PIDD1: variants seen among roughly 807,000 people sequenced by gnomAD.
PIDD1 encodes p53-induced death domain protein 1.
In PIDD1, 72 loss-of-function variants were observed where a neutral mutation model predicts 80.0. That is an observed-to-expected ratio of 0.90 (90% CI 0.74 to 1.09). The LOEUF (loss-of-function observed/expected upper bound fraction) is 1.09. PIDD1 is among the 50% of genes least tolerant of loss of function. The probability of loss-of-function intolerance (pLI) is 0.00; values close to 1 mark genes in which losing one functional copy is unlikely to be tolerated. For synonymous variants in PIDD1, 655 were observed against 543.5 expected (o/e 1.21, Z -2.85); for missense variants, 1,329 against 1,228.3 (o/e 1.08, Z -1.23).
rs768788079 is a variant in PIDD1, at chr11:802,751, C to T, written c.850G>A (p.Asp284Asn). The change falls in exon 4 of 16, where the codon GAC becomes AAC. Residue 284 changes from aspartate to asparagine, a missense_variant. Transcript: ENST00000347755. ...QLRDLPPELL[D>N]APFVRLQGNP... is the part of the protein sequence containing the mutation. ...CCCTGCAGGCGCACAAAGGGGGCGT[C>T]TAGCAGCTCAGGGGGCAGGTCCCGG... is the stretch of plus-strand genomic sequence containing the variant. The T allele has an allele frequency of 1.9e-6, 3 of 1,611,162 alleles. No homozygotes were observed. Among genetic ancestry groups the T allele is most frequent in the Non-Finnish European group, 2.5e-6 (3 of 1,179,234 alleles).
In PIDD1 at chr11:802,296, G is replaced by T; in HGVS notation, c.1075C>A (p.Arg359=). The T allele has an allele frequency of 1.2e-6, 2 of 1,612,198 alleles. No homozygotes were observed. The highest frequency in any genetic ancestry group is 1.1e-5 in the South Asian group (1 of 91,060). ...ATATPITIRY[R]LLLPEPGLVP... is the part of the protein sequence containing the mutation. ...AGGCCTGGCTCCGGCAGCAGCAGCC[G>T]ATAGCGGATGGTGATGGGGGTGGCG... Residue 359 remains arginine (R), a synonymous_variant, in exon 6 of 16, where the codon CGG becomes AGG. Transcript: ENST00000347755.
At chr11:806,966 C>T (rs1334608676), upstream of PIDD1, among the ~76,000 whole-genome samples, 2 of 152,116 alleles carry the variant, frequency 1.3e-5, no homozygotes, top group Admixed American at 6.5e-5. Context: ...CTGAGGTGGG[C>T]GCATCACTTG....
chr11:801,487 GA>G lies in PIDD1; in HGVS notation c.1439del (p.Phe480SerfsTer35). The G allele has an allele frequency of 6.5e-7, 1 of 1,547,748 alleles. No individual in the cohort carries two copies. ...SSGHPGVKVI[F>X]PPGATEEPRR... ...GAGGCTCCTCAGTGGCCCCAGGGGG[GA>G]AGATGACTTTGACCCCAGGATGACC... On this transcript the variant is annotated frameshift_variant, in exon 8 of 16. Coordinates refer to ENST00000347755, the MANE Select transcript of PIDD1 (RefSeq NM_145886.4). LOFTEE classifies it high-confidence loss of function.
At chr11:805,379 T>C (rs1590156935), upstream of PIDD1, 1 of 361,108 alleles carries the variant, frequency 2.8e-6, no homozygotes, top group African/African-American at 2.2e-5. Flanking sequence ...CCTCCGCCTG[T>C]CGCAGCCCCG....
At chr11:807,852 T>C (rs1051091941), upstream of PIDD1, among the ~76,000 whole-genome samples, 42 of 152,208 alleles carry the variant, frequency 2.8e-4, no homozygotes, top group Non-Finnish European at 5.3e-4. Flanking sequence ...CTTGAATCTA[T>C]GTTCCCAGGA....
In PIDD1 at chr11:803,162, G is replaced by A. The variant is rs1369806174; in HGVS notation, c.709+12C>T. The A allele has an allele frequency of 6.3e-7, 1 of 1,576,238 alleles. No homozygotes were observed. Among genetic ancestry groups the A allele is most frequent in the East Asian group, 2.2e-5 (1 of 44,656 alleles). The stretch of plus-strand genomic sequence containing the variant: ...CGTGGGGCCAGTGTGTCGGGGCGCA[G>A]GGGCTACTCACCCAGAGAGGCTGGG... On this transcript the variant is annotated intron_variant, in intron 3 of 15. Coordinates refer to ENST00000347755, the MANE Select transcript of PIDD1 (RefSeq NM_145886.4).
chr11:800,949 G>T (rs750314801), intron 10 of PIDD1, 36 bp downstream of exon 10: 2 of 1,595,648 alleles, frequency 1.3e-6, no homozygotes, highest in Non-Finnish European at 1.7e-6. Flanking sequence ...TGTACAGACT[G>T]GGGGAGGGGG....
chr11:800,656 G>T lies in PIDD1; in HGVS notation c.1928C>A (p.Thr643Asn). 6.3e-7 allele frequency: 1 copy of T among 1,587,282 alleles called. No homozygotes were observed. The highest frequency in any genetic ancestry group is 8.5e-7 in the Non-Finnish European group (1 of 1,172,894). ...GTACCGCTCCAGCAGCCGCCGAAGG[G>T]TGGCGTCCACCTGCGGGGAAGCCCG... ...QCLPRNKVDA[T>N]LRRLLERYRG... Residue 643 changes from threonine (T) to asparagine (N), a missense_variant, in exon 12 of 16, where the codon ACC becomes AAC. Transcript: ENST00000347755.
chr11:804,438 GC>G lies in PIDD1; in HGVS notation c.-51del. On this transcript the variant is annotated 5_prime_UTR_variant, in exon 2 of 16. Transcript: ENST00000347755. ...CAGACATGTCCCAGCACGCAGGCAG[GC>G]CTGTCCAGGCAGCGCCCGGGGAAGC... The G allele has an allele frequency of 6.5e-7, 1 of 1,529,832 alleles. No homozygotes were observed. Among genetic ancestry groups the G allele is most frequent in the Non-Finnish European group, 8.8e-7 (1 of 1,141,362 alleles). 94.8% of individuals were successfully genotyped at this position (1,529,832 alleles called of 1,614,324 possible).
chr11:805,694 C>T (rs1865734204), upstream of PIDD1: 3 of 985,422 alleles, frequency 3.0e-6, no homozygotes, highest in Non-Finnish European at 3.6e-6. Flanking sequence ...CTGCCAGGAC[C>T]TCCTCTCTGG....
At chr11:800,101 C>A in intron 14 of PIDD1, 30 bp downstream of exon 14, 1 of 1,605,472 alleles carries the variant, frequency 6.2e-7, no homozygotes, top group East Asian at 2.2e-5. Flanking sequence ...CTCGGTCCTG[C>A]CCCGCCCCTC....
In PIDD1 at chr11:803,310, C is replaced by T; in HGVS notation, c.573G>A (p.Gly191=). ...CGAGGCGCTGCAGGGTGGATAGGGCCCCCAGTGCTGGGGGCAGCGTCTGCA... is the reference window on the plus strand; with the variant it reads ...CGAGGCGCTGCAGGGTGGATAGGGCTCCCAGTGCTGGGGGCAGCGTCTGCA... ...NRLQTLPPAL[G]ALSTLQRLDL... Residue 191 remains glycine (G), a synonymous_variant, in exon 3 of 16, where the codon GGG becomes GGA. Transcript: ENST00000347755. The T allele has an allele frequency of 1.2e-6, 2 of 1,613,896 alleles. No homozygotes were observed. Among genetic ancestry groups the T allele is most frequent in the Non-Finnish European group, 1.7e-6 (2 of 1,179,974 alleles).
At chr11:807,968 GA>G (rs1275640220), upstream of PIDD1, among the ~76,000 whole-genome samples, 2 of 152,114 alleles carry the variant, frequency 1.3e-5, no homozygotes, top group African/African-American at 4.8e-5. Context: ...TACACTGAAT[GA>G]AAAAAGCCAG....
chr11:800,247 G>A lies in PIDD1; in HGVS notation c.2161-3C>T, dbSNP rs748785137. ...ACCGCGCCACGGTAGAAGGACACCTGAAGGGGCATCGAATGGGGTTCGGAG... is the reference window on the plus strand; with the variant it reads ...ACCGCGCCACGGTAGAAGGACACCTAAAGGGGCATCGAATGGGGTTCGGAG... On this transcript the variant is annotated splice_region_variant and splice_polypyrimidine_tract_variant and intron_variant, in intron 13 of 15. Transcript: ENST00000347755. 12 of 1,611,008 alleles carry A rather than the reference G, an allele frequency of 7.4e-6. No individual in the cohort carries two copies. The Admixed American group carries it at 2.0e-4, about 27-fold the overall frequency.
chr11:805,491 G>T, upstream of PIDD1: 1 of 481,720 alleles, frequency 2.1e-6, no homozygotes, highest in Non-Finnish European at 2.7e-6. Context: ...CCCCCGCCCG[G>T]AAGGCCACGA....
chr11:804,562 C>A (rs1865647120), intron 1 of PIDD1, 99 bp from the exon 2 acceptor site: 1 of 1,267,142 alleles, frequency 7.9e-7, no homozygotes, highest in Non-Finnish European at 1.0e-6. Context: ...AGAGCCAGGC[C>A]ATCTGGGCCT....
In PIDD1 at chr11:800,608, G is replaced by T. The variant is rs146461213; in HGVS notation, c.1976C>A (p.Thr659Lys). The change falls in exon 12 of 16, where the codon ACG becomes AAG. Residue 659 changes from threonine (T) to lysine (K), a missense_variant. Transcript: ENST00000347755. Reference sequence around the variant, plus strand: ...CTCTTCGCCCTCGAACATCTCCACCGTGTCAGAGGGCTCGGGGCCCCGGTA... The same window carrying T: ...CTCTTCGCCCTCGAACATCTCCACCTTGTCAGAGGGCTCGGGGCCCCGGTA... ...ERYRGPEPSDTVEMFEGEEFF... is the reference protein window; with the variant it reads ...ERYRGPEPSDKVEMFEGEEFF... The T allele has an allele frequency of 8.7e-6, 14 of 1,600,406 alleles. No homozygotes were observed. The highest frequency in any genetic ancestry group is 1.4e-5 in the African/African-American group (1 of 74,022).
At chr11:803,776 A>T in intron 2 of PIDD1, 189 bp from the exon 3 acceptor site, 1 of 674,464 alleles carries the variant, frequency 1.5e-6, no homozygotes, top group Non-Finnish European at 2.5e-6. Context: ...AGGGGTGGAG[A>T]CCACCGGCTC....
chr11:803,565 C>T lies in PIDD1; in HGVS notation c.318G>A (p.Leu106=), dbSNP rs1865556497. The change falls in exon 3 of 16, where the codon CTG becomes CTA. Residue 106 remains leucine (L), a synonymous_variant. Transcript: ENST00000347755. The stretch of plus-strand genomic sequence containing the variant: ...TCAGGGCACCCCGGAGACAGGCACC[C>T]AGTGTGTCCCGGCGTTGCCCTCCTG... ...VLKGGQRRDT[L]GACLRGALTN... 1.9e-6 allele frequency: 3 copies of T among 1,611,094 alleles called. No homozygotes were observed. Among genetic ancestry groups the T allele is most frequent in the Non-Finnish European group, 2.5e-6 (3 of 1,178,754 alleles).
Sources: allele counts gnomAD v4.1 joint callset (sites outside exome capture counted in the v4.1 genomes callset), GRCh38; gene constraint gnomAD v4.1.1; transcripts MANE v1.5; gene names NCBI Gene and HGNC (gene_info 2026-07-23, HGNC 2026-07-21).